Variants in IL1RAPL2 observed in about 807,000 individuals in gnomAD.
The protein encoded by IL1RAPL2 is X-linked interleukin-1 receptor accessory protein-like 2.
In IL1RAPL2, 3 loss-of-function variants were observed where a neutral mutation model predicts 44.1. The ratio of observed to expected loss-of-function variants is 0.07; its 90% CI spans 0.03 to 0.18. The LOEUF (loss-of-function observed/expected upper bound fraction) is 0.18, where lower values mean the gene tolerates loss of function less well. IL1RAPL2 is among the 10% of genes least tolerant of loss of function. The pLI, the probability that IL1RAPL2 is intolerant of heterozygous loss-of-function variation, is 1.00. For synonymous variants in IL1RAPL2, 181 were observed against 178.8 expected (o/e 1.01, Z -0.10); for missense variants, 391 against 496.4 (o/e 0.79, Z 2.02).
intron 2 of IL1RAPL2, among the ~76,000 whole-genome samples, chrX:105,042,896 C>T (rs1216992315): frequency 1.9e-5 from 2 of 107,285 alleles, no homozygotes; most frequent in African/African-American, 6.8e-5. Flanking sequence ...TACTATGCAG[C>T]CATAAAAAAG....
chrX:105,679,989 G>GA (rs1417991798), intron 6 of IL1RAPL2, among the ~76,000 whole-genome samples: 4 of 110,922 alleles, frequency 3.6e-5, no homozygotes, highest in Non-Finnish European at 7.6e-5. Flanking sequence ...AAATGTGGGT[G>GA]AATTTCTTTC....
At chrX:104,636,938 T>A (rs1929823813) in intron 1 of IL1RAPL2, among the ~76,000 whole-genome samples, 1 of 111,563 alleles carries the variant, frequency 9.0e-6, no homozygotes, top group Admixed American at 9.5e-5. Context: ...CGTCGCTCAC[T>A]CTGGGAGCTG....
chrX:105,528,735 C>T (rs1569450933), intron 6 of IL1RAPL2, among the ~76,000 whole-genome samples: 1 of 110,896 alleles, frequency 9.0e-6, no homozygotes, highest in Non-Finnish European at 1.9e-5. Flanking sequence ...AGAATCAAGA[C>T]CTTCTCCTAC....
At chrX:104,668,476 C>G (rs1238140270) in intron 2 of IL1RAPL2, among the ~76,000 whole-genome samples, 1 of 76,759 alleles carries the variant, frequency 1.3e-5, no homozygotes, top group Admixed American at 1.6e-4. Flanking sequence ...TCCCTCCCCC[C>G]TCCCCCCACC....
At chrX:104,731,112 A>G (rs1931907871) in intron 2 of IL1RAPL2, among the ~76,000 whole-genome samples, 1 of 111,159 alleles carries the variant, frequency 9.0e-6, no homozygotes, top group Non-Finnish European at 1.9e-5. Flanking sequence ...TAGATTCTAG[A>G]TATTAGCCCT....
intron 8 of IL1RAPL2, among the ~76,000 whole-genome samples, chrX:105,745,953 G>A (rs185475938): frequency 1.8e-5 from 2 of 112,163 alleles, no homozygotes; most frequent in Non-Finnish European, 3.8e-5. Flanking sequence ...CAAGTGTTGG[G>A]ATTACAGGCT....
At chrX:104,734,248 T>C (rs190703443) in intron 2 of IL1RAPL2, among the ~76,000 whole-genome samples, 18 of 112,510 alleles carry the variant, frequency 1.6e-4, no homozygotes, top group African/African-American at 5.2e-4. Context: ...GGCAGTTTCT[T>C]ATAAAACTAA....
chrX:104,947,483 T>A (rs1925415327), intron 2 of IL1RAPL2, among the ~76,000 whole-genome samples: 1 of 102,881 alleles, frequency 9.7e-6, no homozygotes, highest in Non-Finnish European at 2.0e-5. Context: ...GGACATGAAG[T>A]CCTTGCCCAC....
In IL1RAPL2 at chrX:104,986,460, G is replaced by T. The variant is rs151035576; in HGVS notation, c.83-209015G>T. ...GTTTTCTTTCAAGTCTGAATTTTAAGAGAATATAATTTTTTGTCTGCTAGA... is the reference window on the plus strand; with the variant it reads ...GTTTTCTTTCAAGTCTGAATTTTAATAGAATATAATTTTTTGTCTGCTAGA... On this transcript the variant is annotated intron_variant, in intron 2 of 10. Coordinates refer to ENST00000372582, the MANE Select transcript of IL1RAPL2 (RefSeq NM_017416.2). Among the ~76,000 whole-genome samples, 142 of 112,258 alleles carry T rather than the reference G, an allele frequency of 1.3e-3. 1 individual carries two copies. The highest frequency in any genetic ancestry group is 2.1e-3 in the Non-Finnish European group (112 of 53,249).
intron 2 of IL1RAPL2, among the ~76,000 whole-genome samples, chrX:105,057,948 AT>A (rs763809656): frequency 0.062 from 3,247 of 52,268 alleles, 215 homozygotes; most frequent in African/African-American, 0.2. Context: ...CACCCAGCTA[AT>A]TTTTTTTTTT....
At chrX:105,328,449 G>A (rs2034958553) in intron 5 of IL1RAPL2, among the ~76,000 whole-genome samples, 1 of 111,725 alleles carries the variant, frequency 9.0e-6, no homozygotes, top group Non-Finnish European at 1.9e-5. Context: ...TAAGTAGATT[G>A]TATTAAGTAA....
At chrX:105,667,137 A>T (rs770227026) in intron 6 of IL1RAPL2, among the ~76,000 whole-genome samples, 55 of 112,043 alleles carry the variant, frequency 4.9e-4, no homozygotes, top group Non-Finnish European at 8.5e-4. Flanking sequence ...ATTGAAGAAT[A>T]TTTTTTTCCA....
At chrX:104,846,270 A>C (rs962678580) in intron 2 of IL1RAPL2, among the ~76,000 whole-genome samples, 1 of 110,480 alleles carries the variant, frequency 9.1e-6, no homozygotes, top group African/African-American at 3.3e-5. Context: ...ATATGTATAC[A>C]TGTGCCATGT....
At chrX:105,225,523 C>T (rs1283137964) in intron 3 of IL1RAPL2, among the ~76,000 whole-genome samples, 6 of 110,666 alleles carry the variant, frequency 5.4e-5, no homozygotes, top group African/African-American at 2.0e-4. Flanking sequence ...ATATGCCAGG[C>T]ACTGTGCTAT....
chrX:104,797,055 G>A (rs1214462175), intron 2 of IL1RAPL2, among the ~76,000 whole-genome samples: 5 of 110,451 alleles, frequency 4.5e-5, no homozygotes, highest in African/African-American at 1.7e-4. Context: ...TAATAGGTGT[G>A]AGCCACCACG....
intron 1 of IL1RAPL2, among the ~76,000 whole-genome samples, chrX:104,642,033 C>G (rs1201626428): frequency 1.8e-5 from 2 of 111,229 alleles, no homozygotes; most frequent in African/African-American, 6.5e-5. Context: ...AGGGGTTCTC[C>G]CATAGCCAAG....
At chrX:104,948,669 A>T (rs1171820783) in intron 2 of IL1RAPL2, among the ~76,000 whole-genome samples, 2 of 111,230 alleles carry the variant, frequency 1.8e-5, no homozygotes, top group African/African-American at 6.5e-5. Flanking sequence ...GCATCTATTG[A>T]GATAATCATG....
At chrX:105,545,919 C>T (rs929665734) in intron 6 of IL1RAPL2, among the ~76,000 whole-genome samples, 3 of 111,556 alleles carry the variant, frequency 2.7e-5, no homozygotes, top group African/African-American at 9.8e-5. Flanking sequence ...CTTGGGCCTC[C>T]ATTCCAGAGT....
intron 2 of IL1RAPL2, among the ~76,000 whole-genome samples, chrX:104,808,312 C>G (rs1220169469): frequency 1.8e-5 from 2 of 111,693 alleles, no homozygotes; most frequent in Non-Finnish European, 3.8e-5. Flanking sequence ...TCATAACCCT[C>G]TGACATAGGT....
Sources: allele counts gnomAD v4.1 joint callset (sites outside exome capture counted in the v4.1 genomes callset), GRCh38; gene constraint gnomAD v4.1.1; transcripts MANE v1.5; gene names NCBI Gene and HGNC (gene_info 2026-07-23, HGNC 2026-07-21).